Variants in ERCC3 observed in about 807,000 individuals in gnomAD.
The protein encoded by ERCC3 is ERCC excision repair 3, TFIIH core complex helicase subunit, also known as general transcription and DNA repair factor IIH helicase/translocase subunit XPB.
ERCC3 carries 66 observed loss-of-function variants against 94.2 expected under a neutral mutation model. The observed-to-expected ratio is 0.70, with a 90% CI of 0.57 to 0.86. The LOEUF is 0.86. Ranked by LOEUF, ERCC3 falls within the 40% of genes least tolerant of loss-of-function variation. The pLI is 0.00. For synonymous variants in ERCC3, 349 were observed against 369.1 expected, an observed-to-expected ratio of 0.95 and a Z score of 0.63; for missense variants, 829 against 987.1, an observed-to-expected ratio of 0.84 and a Z score of 2.15.
rs1042308804 is a variant in ERCC3 at position 127,271,995 on chromosome 2, A to G, written c.1828-542T>C. On this transcript the variant is annotated intron_variant, in intron 11 of 14. Transcript: ENST00000285398. This position sits in a 1 kb window ranked among gnomAD's most constrained non-coding sequence, Gnocchi z 5.0. Reference sequence around the variant, plus strand: ...TATAAGCGCCCAGCCACAATCACATAAAATCTCATTTCTTTTTTTTTTTTT... The same window carrying G: ...TATAAGCGCCCAGCCACAATCACATGAAATCTCATTTCTTTTTTTTTTTTT... Among the ~76,000 whole-genome samples, 5 of 149,694 alleles carry G rather than the reference A, an allele frequency of 3.3e-5. No individual in the cohort carries two copies. Among genetic ancestry groups the G allele is most frequent in the Non-Finnish European group, 7.4e-5 (5 of 67,716 alleles).
At position 127,258,760 on chromosome 2, in the gene ERCC3, A is replaced by G. The variant is rs981429001; in HGVS notation, c.2217+536T>C. Among the ~76,000 whole-genome samples, 25 of 152,256 alleles carry G rather than the reference A, an allele frequency of 1.6e-4. No homozygotes were observed. Among genetic ancestry groups the G allele is most frequent in the African/African-American group, 5.8e-4 (24 of 41,472 alleles). On this transcript the variant is annotated intron_variant, in intron 14 of 14. Transcript: ENST00000285398. This position sits in a 1 kb window ranked among gnomAD's most constrained non-coding sequence, Gnocchi z 4.1. ...TATATTTACTTGGCCTAGAGCAGGC[A>G]TATTTGTAGAATAAATGAAAGGTTG...
chr2:127,294,049 C>T lies in ERCC3; in HGVS notation c.28+5G>A. The T allele has an allele frequency of 6.2e-7, 1 of 1,606,586 alleles. No individual in the cohort carries two copies. The highest frequency in any genetic ancestry group is 8.5e-7 in the Non-Finnish European group (1 of 1,179,256). Reference sequence around the variant, plus strand: ...GTGGCTGAGCGTGCCCGCGCAACGTCTCACCGCGGTCCGCTCGGTCTCTTT... The same window carrying T: ...GTGGCTGAGCGTGCCCGCGCAACGTTTCACCGCGGTCCGCTCGGTCTCTTT... On this transcript the variant is annotated splice_donor_5th_base_variant and intron_variant, in intron 1 of 14. Coordinates refer to ENST00000285398, the MANE Select transcript of ERCC3 (RefSeq NM_000122.2).
rs184433385 is a variant in ERCC3 at position 127,272,110 on chromosome 2, C to T, written c.1828-657G>A. 7.3e-5 allele frequency among the ~76,000 whole-genome samples: 11 copies of T among 151,212 alleles called. No homozygotes were observed. The East Asian group carries it at 2.1e-3, about 29-fold the overall frequency. ...CTCAGCTCCACTGCAACCTCCACCT[C>T]CCGGGTTCAAGTGACTGAACCCTGC... is the stretch of plus-strand genomic sequence containing the variant. On this transcript the variant is annotated intron_variant, in intron 11 of 14. Coordinates refer to ENST00000285398, the MANE Select transcript of ERCC3 (RefSeq NM_000122.2).
At chr2:127,285,782 C>T (rs564085040) in intron 8 of ERCC3, among the ~76,000 whole-genome samples, 48 of 151,452 alleles carry the variant, frequency 3.2e-4, no homozygotes, top group Non-Finnish European at 5.0e-4. Flanking sequence ...ACCCTAGAGG[C>T]GGAGGTTGCA....
chr2:127,257,790 A>ATTTATAAT lies in ERCC3; in HGVS notation c.2218-64_2218-63insATTATAAA. The ATTTATAAT allele has an allele frequency of 6.4e-7, 1 of 1,567,196 alleles. No homozygotes were observed. Among genetic ancestry groups the ATTTATAAT allele is most frequent in the Non-Finnish European group, 8.8e-7 (1 of 1,138,868 alleles). On this transcript the variant is annotated intron_variant, in intron 14 of 14. Transcript: ENST00000285398. This position sits in a 1 kb window ranked among gnomAD's most constrained non-coding sequence, Gnocchi z 5.4. The stretch of plus-strand genomic sequence containing the variant: ...GAAGAAAAGATACTCCTTTTATAAT[A>ATTTATAAT]CTTATAATCACAGCAAATTTTATAA...
In ERCC3 at chr2:127,258,158, C is replaced by T. The variant is rs912213554; in HGVS notation, c.2218-431G>A. Among the ~76,000 whole-genome samples, 10 of 152,106 alleles carry T rather than the reference C, an allele frequency of 6.6e-5. No individual in the cohort carries two copies. Among genetic ancestry groups the T allele is most frequent in the African/African-American group, 2.4e-4 (10 of 41,420 alleles). ...ATGTTGACCATGCTGGTCTCAAACTCCTGGACTCAACTGATCCTCCCGCCT... is the reference window on the plus strand; with the variant it reads ...ATGTTGACCATGCTGGTCTCAAACTTCTGGACTCAACTGATCCTCCCGCCT... On this transcript the variant is annotated intron_variant, in intron 14 of 14. Coordinates refer to ENST00000285398, the MANE Select transcript of ERCC3 (RefSeq NM_000122.2). The surrounding 1 kb of genome is among the most constrained non-coding windows in gnomAD (Gnocchi z 4.1).
chr2:127,271,295 A>G lies in ERCC3; in HGVS notation c.1945+41T>C. The G allele has an allele frequency of 7.3e-7, 1 of 1,376,526 alleles. No homozygotes were observed. The highest frequency in any genetic ancestry group is 1.4e-5 in the African/African-American group (1 of 70,466). The allele number at this position is 1,376,526 out of a possible 1,614,324, so 85.3% of individuals were successfully genotyped here. A position where few individuals can be genotyped will look rare whatever the true frequency, so the allele number is the denominator to read the frequency against. On this transcript the variant is annotated intron_variant, in intron 12 of 14. Transcript: ENST00000285398. The surrounding 1 kb of genome is among the most constrained non-coding windows in gnomAD (Gnocchi z 5.0). ...GTCTTCCTAACTAAAGTGGTTTAAG[A>G]GGAGTGACCTCCTGCAACAGAAGAT...
chr2:127,283,382 T>C (rs753527579), intron 8 of ERCC3, among the ~76,000 whole-genome samples: 1 of 152,216 alleles, frequency 6.6e-6, no homozygotes, highest in Admixed American at 6.5e-5. Flanking sequence ...CTCAGCACCA[T>C]GCTTTTGAGA....
chr2:127,286,856 T>C lies in ERCC3; in HGVS notation c.1189A>G (p.Lys397Glu). 1 of 1,614,176 alleles carries C rather than the reference T, an allele frequency of 6.2e-7. No individual in the cohort carries two copies. Among genetic ancestry groups the C allele is most frequent in the Non-Finnish European group, 8.5e-7 (1 of 1,180,022 alleles). ...ACGGAGCAGCCGATGGGCTTGTCCT[T>C]GGCATCGGAGGTGAACCGGCAGATC... The part of the protein sequence containing the change: ...SQICRFTSDA[K>E]DKPIGCSVAI... Residue 397 changes from lysine (K) to glutamate (E), a missense_variant, in exon 8 of 15, where the codon AAG becomes GAG. Coordinates refer to ENST00000285398, the MANE Select transcript of ERCC3 (RefSeq NM_000122.2).
chr2:127,257,314 T>C lies in ERCC3; in HGVS notation c.*282A>G. On this transcript the variant is annotated 3_prime_UTR_variant, in exon 15 of 15. Transcript: ENST00000285398. The surrounding 1 kb of genome is among the most constrained non-coding windows in gnomAD (Gnocchi z 5.4). ...GACTGGTTCAATGGTCCATTCTGTT[T>C]ATTCAGAACGGTAACATAAATACAC... 2 of 482,418 alleles carry C rather than the reference T, an allele frequency of 4.1e-6. No homozygotes were observed. Among genetic ancestry groups the C allele is most frequent in the Non-Finnish European group, 7.9e-6 (2 of 253,612 alleles). The allele number at this position is 482,418 out of a possible 1,614,324, so 29.9% of individuals were successfully genotyped here. A position where few individuals can be genotyped will look rare whatever the true frequency, so the allele number is the denominator to read the frequency against.
chr2:127,278,134 A>G (rs1405432402), intron 10 of ERCC3, among the ~76,000 whole-genome samples: 2 of 151,780 alleles, frequency 1.3e-5, no homozygotes, highest in Non-Finnish European at 2.9e-5. Flanking sequence ...GCTACTCGGG[A>G]GGCTGAGGTG....
chr2:127,273,870 C>T (rs1004433672), intron 10 of ERCC3, among the ~76,000 whole-genome samples: 4 of 151,460 alleles, frequency 2.6e-5, no homozygotes, highest in African/African-American at 9.7e-5. Context: ...TTCCCTCTGT[C>T]TTGGAATGTG....
chr2:127,276,387 A>G (rs915827752), intron 10 of ERCC3, among the ~76,000 whole-genome samples: 2 of 152,220 alleles, frequency 1.3e-5, no homozygotes, highest in African/African-American at 4.8e-5. Context: ...CAAAACTCAG[A>G]AAGACTCAAA....
intron 6 of ERCC3, among the ~76,000 whole-genome samples, chr2:127,289,089 C>T (rs1685177880): frequency 6.6e-6 from 1 of 152,180 alleles, no homozygotes; most frequent in African/African-American, 2.4e-5. Context: ...CCTTCAGGCA[C>T]CATTTCTCAC....
rs1349401014 is a variant in ERCC3 at position 127,264,463 on chromosome 2, C to A, written c.1946-3117G>T. 6.6e-6 allele frequency among the ~76,000 whole-genome samples: 1 copy of A among 152,012 alleles called. No homozygotes were observed. Among genetic ancestry groups the A allele is most frequent in the Non-Finnish European group, 1.5e-5 (1 of 67,970 alleles). ...CCTGGGCAACAAGAGCAAGACTCTGCCTCAAAAAAACAAAAAACCTTTTTC... is the reference window on the plus strand; with the variant it reads ...CCTGGGCAACAAGAGCAAGACTCTGACTCAAAAAAACAAAAAACCTTTTTC... On this transcript the variant is annotated intron_variant, in intron 12 of 14. Coordinates refer to ENST00000285398, the MANE Select transcript of ERCC3 (RefSeq NM_000122.2). This position sits in a 1 kb window ranked among gnomAD's most constrained non-coding sequence, Gnocchi z 4.4.
chr2:127,267,618 G>A (rs1189244841), intron 12 of ERCC3, among the ~76,000 whole-genome samples: 1 of 152,162 alleles, frequency 6.6e-6, no homozygotes, highest in Non-Finnish European at 1.5e-5. Context: ...TTAATATTGA[G>A]ACATGAGGCT....
intron 12 of ERCC3, among the ~76,000 whole-genome samples, chr2:127,269,417 C>CTTTTT (rs70985445): frequency 3.5e-5 from 4 of 113,554 alleles, no homozygotes; most frequent in Non-Finnish European, 5.3e-5. Context: ...ATTCTATTCA[C>CTTTTT]TTTTTTTTTT....
At position 127,288,544 on chromosome 2, in the gene ERCC3, G is replaced by A. The variant is rs144897874; in HGVS notation, c.1027+116C>T. 5.0e-4 allele frequency: 467 copies of A among 924,924 alleles called. 2 individuals carry two copies. In the African/African-American group the frequency reaches 7.1e-3, roughly 14 times the overall value. The allele number at this position is 924,924 out of a possible 1,614,324, so 57.3% of individuals were successfully genotyped here. A position where few individuals can be genotyped will look rare whatever the true frequency, so the allele number is the denominator to read the frequency against. ...CAAGTCATGAATCAGGGAGTCACCT[G>A]ATCTTGGCTTTTCAGCAAGGTGTGA... On this transcript the variant is annotated intron_variant, in intron 7 of 14. Transcript: ENST00000285398.
In ERCC3 at chr2:127,280,797, G is replaced by C; in HGVS notation, c.1343-166C>G. On this transcript the variant is annotated intron_variant, in intron 8 of 14. Coordinates refer to ENST00000285398, the MANE Select transcript of ERCC3 (RefSeq NM_000122.2). This position sits in a 1 kb window ranked among gnomAD's most constrained non-coding sequence, Gnocchi z 6.3. ...CTGCCTTCGCCTCCCAAAGTGCTGG[G>C]ATTACAGACGTGACCCACTGCACCC... 1.5e-6 allele frequency: 1 copy of C among 665,626 alleles called. No individual in the cohort carries two copies. Among genetic ancestry groups the C allele is most frequent in the Non-Finnish European group, 2.6e-6 (1 of 381,606 alleles). The allele number at this position is 665,626 out of a possible 1,614,324, so 41.2% of individuals were successfully genotyped here. A position where few individuals can be genotyped will look rare whatever the true frequency, so the allele number is the denominator to read the frequency against.
Sources: allele counts gnomAD v4.1 joint callset (sites outside exome capture counted in the v4.1 genomes callset), GRCh38; gene constraint gnomAD v4.1.1; non-coding constraint Gnocchi (gnomAD v3.1); transcripts MANE v1.5; gene names NCBI Gene and HGNC (gene_info 2026-07-23, HGNC 2026-07-21).